EPG5: variants seen among roughly 807,000 people sequenced by gnomAD.
The protein encoded by EPG5 is ectopic P-granules 5 autophagy tethering factor, also known as ectopic P granules protein 5 homolog.
EPG5 carries 159 observed loss-of-function variants against 302.7 expected under a neutral mutation model. That is an observed-to-expected ratio of 0.53 (90% CI 0.46 to 0.60). EPG5 has a LOEUF of 0.60. Among genes scored for constraint, EPG5 ranks in the 20% least tolerant of loss-of-function variants. The pLI is 0.00. For missense variants in EPG5, 2,896 were observed against 3,092.4 expected, an observed-to-expected ratio of 0.94 and a Z score of 1.51; for synonymous variants, 1,158 against 1,136.8, an observed-to-expected ratio of 1.02 and a Z score of -0.37.
chr18:45,945,673 TA>T (rs1018090281), intron 7 of EPG5, among the ~76,000 whole-genome samples: 1 of 151,922 alleles, frequency 6.6e-6, no homozygotes, highest in African/African-American at 2.4e-5. Context: ...AAGACCACTC[TA>T]AAAAAAACAT....
chr18:45,922,587 G>A lies in EPG5; in HGVS notation c.2852C>T (p.Ala951Val). ...TGTCTCTCCATATCGAACAATACTG[G>A]CCAAATATGAAACCTAAAACAATTA... ...SESMKQVSYL[A>V]SIVRYGETPE... The change falls in exon 16 of 44, where the codon GCC (alanine) becomes GTC (valine). Residue 951 changes from alanine to valine, a missense_variant. Transcript: ENST00000282041. 1 of 1,613,804 alleles carries A rather than the reference G, an allele frequency of 6.2e-7. No individual in the cohort carries two copies. Among genetic ancestry groups the A allele is most frequent in the Non-Finnish European group, 8.5e-7 (1 of 1,179,854 alleles).
At chr18:45,913,154 TC>T (rs375562695) in intron 21 of EPG5, among the ~76,000 whole-genome samples, 103 of 151,910 alleles carry the variant, frequency 6.8e-4, no homozygotes, top group African/African-American at 2.4e-3. Flanking sequence ...ACTTTATCAA[TC>T]TTTTGAAAAT....
At chr18:45,838,813 G>A in the EPG5 span, 2 of 1,558,858 alleles carry the variant, frequency 1.3e-6, no homozygotes, top group Non-Finnish European at 1.7e-6. Flanking sequence ...GCCCGCCCTC[G>A]CCTGGTCCGG....
At chr18:45,831,831 G>A in the EPG5 span, among the ~76,000 whole-genome samples, 4 of 151,322 alleles carry the variant, frequency 2.6e-5, no homozygotes, top group East Asian at 1.9e-4. Flanking sequence ...TCCGCCTCCC[G>A]GGTTCAAGCG....
At chr18:45,891,825 C>T (rs987232579) in intron 27 of EPG5, among the ~76,000 whole-genome samples, 2 of 152,044 alleles carry the variant, frequency 1.3e-5, no homozygotes, top group Non-Finnish European at 2.9e-5. Flanking sequence ...GATAATAAAT[C>T]AATACAAGTA....
chr18:45,828,363 C>T, the EPG5 span, among the ~76,000 whole-genome samples: 192 of 152,288 alleles, frequency 1.3e-3, 1 homozygote, highest in African/African-American at 4.4e-3. Flanking sequence ...CCCCTAATCT[C>T]CCAGGGGCTC....
the EPG5 span, chr18:45,837,718 G>A: frequency 6.0e-6 from 9 of 1,493,822 alleles, no homozygotes; most frequent in African/African-American, 8.7e-5. Context: ...TCTGCCAGAC[G>A]GCGCTGAGCC....
the EPG5 span, among the ~76,000 whole-genome samples, chr18:45,818,750 T>TG: frequency 6.0e-5 from 9 of 150,204 alleles, no homozygotes; most frequent in African/African-American, 2.2e-4. Context: ...TTTTTTTTTT[T>TG]TGCGATGGAG....
intron 2 of EPG5, chr18:45,953,660 TGA>T: frequency 1.0e-6 from 1 of 985,280 alleles, no homozygotes; most frequent in East Asian, 1.1e-4. Flanking sequence ...CTCTCAAACT[TGA>T]GAGGACGTCT....
intron 13 of EPG5, among the ~76,000 whole-genome samples, chr18:45,928,035 A>C (rs2050315138): frequency 6.6e-6 from 1 of 152,092 alleles, no homozygotes; most frequent in African/African-American, 2.4e-5. Flanking sequence ...CTCTATTAAA[A>C]ATACAAAAAA....
At position 45,922,357 on chromosome 18, in the gene EPG5, T is replaced by C; in HGVS notation, c.3082A>G (p.Thr1028Ala). ...ACACTGTACCTGTGGCCCACAGCTG[T>C]CATAGATAAGGCTAGATAACAGCCA... ...PIGCYLALSM[T>A]AVGHSIEKFC... Residue 1028 changes from threonine to alanine, a missense_variant, in exon 16 of 44, where the codon ACA becomes GCA. Thr to Ala is a moderately conservative substitution (Grantham distance 58). Transcript: ENST00000282041. 6.2e-7 allele frequency: 1 copy of C among 1,614,232 alleles called. No individual in the cohort carries two copies. Among genetic ancestry groups the C allele is most frequent in the Non-Finnish European group, 8.5e-7 (1 of 1,180,040 alleles).
intron 40 of EPG5, among the ~76,000 whole-genome samples, chr18:45,859,588 T>C (rs1030584662): frequency 6.6e-6 from 1 of 152,074 alleles, no homozygotes; most frequent in Non-Finnish European, 1.5e-5. Context: ...AGTTTAGAGG[T>C]AGAAAGTAAA....
At chr18:45,948,095 G>A (rs2050826156) in intron 6 of EPG5, among the ~76,000 whole-genome samples, 1 of 152,026 alleles carries the variant, frequency 6.6e-6, no homozygotes, top group Admixed American at 6.6e-5. Context: ...TTCAAACACA[G>A]CTCAGTTACC....
At chr18:45,847,605 T>C (rs978399029), downstream of EPG5, 1 of 152,558 alleles carries the variant, frequency 6.6e-6, no homozygotes, top group Non-Finnish European at 1.5e-5. Context: ...AGGCCCGCCA[T>C]GTGTAAATTA....
At chr18:45,870,853 C>G (rs1241065633) in intron 35 of EPG5, 111 bp from the exon 36 acceptor site, 1 of 886,730 alleles carries the variant, frequency 1.1e-6, no homozygotes, top group Non-Finnish European at 1.6e-6. Flanking sequence ...ATGATTGACC[C>G]AATTTCAAAG....
chr18:45,917,340 G>A (rs1168662010), intron 17 of EPG5, among the ~76,000 whole-genome samples: 1 of 152,154 alleles, frequency 6.6e-6, no homozygotes, highest in African/African-American at 2.4e-5. Context: ...CTTTTCTATT[G>A]TTACAATGGC....
chr18:45,907,762 G>C (rs759834464), intron 24 of EPG5, 196 bp downstream of exon 24: 7 of 466,048 alleles, frequency 1.5e-5, no homozygotes, highest in Non-Finnish European at 2.5e-5. Flanking sequence ...TAGAAGGCAC[G>C]GTGGGGCTGG....
chr18:45,857,625 T>G, intron 42 of EPG5: 1 of 503,354 alleles, frequency 2.0e-6, no homozygotes, highest in Admixed American at 3.3e-5. Flanking sequence ...TTAAAAATAC[T>G]GTTTGAATTG....
rs200385061 is a variant in EPG5 at position 45,951,271 on chromosome 18, T to C, written c.1253-33A>G. On this transcript the variant is annotated intron_variant, in intron 3 of 43. Coordinates refer to ENST00000282041, the MANE Select transcript of EPG5 (RefSeq NM_020964.3). ...TGAAAGATATTAAATGAGTCTCTCA[T>C]AAATGGTGTTTTTGGGGGAATTTTT... 547 of 1,385,952 alleles carry C rather than the reference T, an allele frequency of 3.9e-4. 2 individuals carry two copies. The Middle Eastern group carries it at 7.4e-3, about 19-fold the overall frequency. The allele number at this position is 1,385,952 out of a possible 1,614,324, so 85.9% of individuals were successfully genotyped here. A position where few individuals can be genotyped will look rare whatever the true frequency, so the allele number is the denominator to read the frequency against.
Sources: allele counts gnomAD v4.1 joint callset (sites outside exome capture counted in the v4.1 genomes callset), GRCh38; gene constraint gnomAD v4.1.1; transcripts MANE v1.5; gene names NCBI Gene and HGNC (gene_info 2026-07-23, HGNC 2026-07-21).